Variants in HS6ST3 observed in about 807,000 individuals in gnomAD.
The protein encoded by HS6ST3 is heparan sulfate 6-O-sulfotransferase 3.
In HS6ST3, 12 loss-of-function variants were observed where a neutral mutation model predicts 36.7. That is an observed-to-expected ratio of 0.33 (90% CI 0.21 to 0.53). The LOEUF (loss-of-function observed/expected upper bound fraction) is 0.53. HS6ST3 is among the 20% of genes least tolerant of loss of function. HS6ST3 has a pLI of 0.95. For missense variants in HS6ST3, 584 were observed against 640.9 expected, an observed-to-expected ratio of 0.91 and a Z score of 0.96; for synonymous variants, 240 against 257.5, an observed-to-expected ratio of 0.93 and a Z score of 0.65.
rs377137030 is a variant in HS6ST3 at position 96,736,525 on chromosome 13, A to G, written c.708-95965A>G. Among the ~76,000 whole-genome samples the G allele has an allele frequency of 6.6e-5, 10 of 152,334 alleles. No individual in the cohort carries two copies. In the East Asian group the frequency reaches 1.2e-3, roughly 18 times the overall value. On this transcript the variant is annotated intron_variant, in intron 1 of 1. Coordinates refer to ENST00000376705, the MANE Select transcript of HS6ST3 (RefSeq NM_153456.4). Reference sequence around the variant, plus strand: ...AGACTTTAAGCTATTTATTATAGTCATCAATACACCCAATGTACCAAACAT... The same window carrying G: ...AGACTTTAAGCTATTTATTATAGTCGTCAATACACCCAATGTACCAAACAT...
At chr13:96,435,589 C>T (rs996550475) in intron 1 of HS6ST3, among the ~76,000 whole-genome samples, 7 of 152,092 alleles carry the variant, frequency 4.6e-5, no homozygotes, top group African/African-American at 1.7e-4. Flanking sequence ...TGTAAGTCTC[C>T]CGAGGAAGGG....
intron 1 of HS6ST3, among the ~76,000 whole-genome samples, chr13:96,207,822 GCC>G: frequency 6.6e-6 from 1 of 152,016 alleles, no homozygotes; most frequent in Non-Finnish European, 1.5e-5. Flanking sequence ...ACACACTAGG[GCC>G]TGTAAGTTGG....
chr13:96,094,838 A>G (rs1387455730), intron 1 of HS6ST3, among the ~76,000 whole-genome samples: 1 of 152,186 alleles, frequency 6.6e-6, no homozygotes, highest in East Asian at 1.9e-4. Flanking sequence ...CTTGTATCAT[A>G]TCACTGATGA....
chr13:96,566,682 G>A (rs1246294255), intron 1 of HS6ST3, among the ~76,000 whole-genome samples: 1 of 152,088 alleles, frequency 6.6e-6, no homozygotes, highest in Non-Finnish European at 1.5e-5. Flanking sequence ...TTGTAGGATA[G>A]TACTTAGCTG....
chr13:96,277,443 A>G (rs919719413), intron 1 of HS6ST3, among the ~76,000 whole-genome samples: 5 of 152,332 alleles, frequency 3.3e-5, no homozygotes, highest in Admixed American at 2.6e-4. Flanking sequence ...TAAGAGCTAT[A>G]TGAAGGCAGA....
intron 1 of HS6ST3, among the ~76,000 whole-genome samples, chr13:96,120,233 A>G (rs1216171772): frequency 3.9e-5 from 6 of 152,200 alleles, no homozygotes; most frequent in African/African-American, 1.2e-4. Context: ...CAGGTTGCAG[A>G]GGGGCTGGGG....
chr13:96,700,934 T>C (rs1190326391), intron 1 of HS6ST3, among the ~76,000 whole-genome samples: 1 of 152,178 alleles, frequency 6.6e-6, no homozygotes, highest in Non-Finnish European at 1.5e-5. Flanking sequence ...GCAAGGGCAT[T>C]GGGACATCCA....
At chr13:96,283,130 C>T (rs1331488816) in intron 1 of HS6ST3, among the ~76,000 whole-genome samples, 4 of 152,168 alleles carry the variant, frequency 2.6e-5, no homozygotes, top group Non-Finnish European at 4.4e-5. Flanking sequence ...GATGGTGATG[C>T]AGAGTGTTTA....
chr13:96,253,735 A>G lies in HS6ST3; in HGVS notation c.707+162166A>G, dbSNP rs995643023. On this transcript the variant is annotated intron_variant, in intron 1 of 1. Transcript: ENST00000376705. The stretch of plus-strand genomic sequence containing the variant: ...TGAATAAATTATTTTCTTTCTAGGT[A>G]TTAAATAGCTACCATTTATTTACTC... Among the ~76,000 whole-genome samples the G allele has an allele frequency of 9.9e-5, 15 of 152,284 alleles. No homozygotes were observed. In the South Asian group the frequency reaches 1.4e-3, roughly 15 times the overall value.
chr13:96,121,323 G>C (rs2053924510), intron 1 of HS6ST3, among the ~76,000 whole-genome samples: 2 of 152,116 alleles, frequency 1.3e-5, no homozygotes, highest in South Asian at 4.1e-4. Flanking sequence ...GTTTATTAGA[G>C]GCTCATTAAG....
chr13:96,724,540 C>T (rs189506558), intron 1 of HS6ST3, among the ~76,000 whole-genome samples: 1 of 152,212 alleles, frequency 6.6e-6, no homozygotes. Flanking sequence ...ACTCCCATCC[C>T]TATCTAGCAA....
chr13:96,156,748 G>A (rs557475164), intron 1 of HS6ST3, among the ~76,000 whole-genome samples: 40 of 152,194 alleles, frequency 2.6e-4, no homozygotes, highest in African/African-American at 7.7e-4. Context: ...TTACTGCCCC[G>A]TTTACCACTC....
intron 1 of HS6ST3, among the ~76,000 whole-genome samples, chr13:96,465,366 A>G (rs961807328): frequency 6.6e-6 from 1 of 152,192 alleles, no homozygotes; most frequent in African/African-American, 2.4e-5. Flanking sequence ...CAAGACATAC[A>G]TGGGGGAATA....
At chr13:96,420,316 G>C (rs1045610636) in intron 1 of HS6ST3, among the ~76,000 whole-genome samples, 1 of 152,142 alleles carries the variant, frequency 6.6e-6, no homozygotes, top group Non-Finnish European at 1.5e-5. Context: ...AAGGGCTCCT[G>C]TGTTATGCCT....
chr13:96,456,415 C>A (rs75479918), intron 1 of HS6ST3, among the ~76,000 whole-genome samples: 4 of 152,084 alleles, frequency 2.6e-5, no homozygotes, highest in African/African-American at 7.2e-5. Flanking sequence ...TATCCAGTAG[C>A]CCTCTACCCC....
intron 1 of HS6ST3, among the ~76,000 whole-genome samples, chr13:96,553,464 G>C (rs3899870): frequency 0.084 from 12,835 of 152,196 alleles, 989 homozygotes; most frequent in African/African-American, 0.21. Flanking sequence ...AAAAAGATAG[G>C]GTTCCAGGAG....
intron 1 of HS6ST3, among the ~76,000 whole-genome samples, chr13:96,170,080 C>G (rs2054180374): frequency 6.6e-6 from 1 of 152,118 alleles, no homozygotes. Context: ...TAAAGTGCTC[C>G]CATTTGTGTT....
At chr13:96,518,460 C>A (rs2138925296) in intron 1 of HS6ST3, among the ~76,000 whole-genome samples, 1 of 152,156 alleles carries the variant, frequency 6.6e-6, no homozygotes, top group East Asian at 1.9e-4. Flanking sequence ...TGCTTACAAA[C>A]AATATCACAA....
At chr13:96,201,552 G>A (rs2054342051) in intron 1 of HS6ST3, among the ~76,000 whole-genome samples, 1 of 152,160 alleles carries the variant, frequency 6.6e-6, no homozygotes, top group African/African-American at 2.4e-5. Context: ...ATTCCTTCCA[G>A]TGCTCAAGGT....
Sources: allele counts gnomAD v4.1 joint callset (sites outside exome capture counted in the v4.1 genomes callset), GRCh38; gene constraint gnomAD v4.1.1; transcripts MANE v1.5; gene names NCBI Gene and HGNC (gene_info 2026-07-23, HGNC 2026-07-21).